The following ME2 variants were observed in gnomAD, a reference collection of about 807,000 sequenced individuals.
ME2 encodes the protein malic enzyme 2, also known as NAD-dependent malic enzyme, mitochondrial.
A neutral mutation model predicts 73.7 loss-of-function variants in ME2; 60 were observed. The observed-to-expected ratio is 0.81, with a 90% CI of 0.66 to 1.01. The LOEUF is 1.01. Ranked by LOEUF, ME2 falls within the 50% of genes least tolerant of loss-of-function variation. ME2 has a pLI of 0.00. For missense variants in ME2, 594 were observed against 705.5 expected (o/e 0.84, Z 1.79); for synonymous variants, 199 against 236.9 (o/e 0.84, Z 1.47).
At chr18:50,939,473 T>C (rs996027157) in intron 13 of ME2, 97 bp from the exon 14 acceptor site, 9 of 748,286 alleles carry the variant, frequency 1.2e-5, no homozygotes, top group African/African-American at 5.3e-5. Flanking sequence ...CTGTTTGCGA[T>C]GTGGATGGAT....
At position 50,940,226 on chromosome 18, in the gene ME2, T is replaced by C. The variant is rs895765620; in HGVS notation, c.1489-62T>C. 4.5e-6 allele frequency: 5 copies of C among 1,100,822 alleles called. No homozygotes were observed. The East Asian group carries it at 1.2e-4, about 26-fold the overall frequency. 68.2% of individuals were successfully genotyped at this position (1,100,822 alleles called of 1,614,324 possible). Reference sequence around the variant, plus strand: ...CTCTGTTTCCCCAATGCTTTTTCCATTTACTGGGTCCTTATTCTGTTATTT... The same window carrying C: ...CTCTGTTTCCCCAATGCTTTTTCCACTTACTGGGTCCTTATTCTGTTATTT... On this transcript the variant is annotated intron_variant, in intron 14 of 15. Transcript: ENST00000321341.
At chr18:50,884,979 C>T (rs1599081724) in intron 1 of ME2, among the ~76,000 whole-genome samples, 2 of 152,210 alleles carry the variant, frequency 1.3e-5, no homozygotes, top group South Asian at 2.1e-4. Context: ...CTCAGTCTCC[C>T]GAGTAGCTGG....
chr18:50,932,272 T>C lies in ME2; in HGVS notation c.1329T>C (p.Phe443=). The part of the protein sequence containing the change: ...AYTLTEGRCL[F]ASGSPFGPVK... ...TTTATTAACAGGGCAGGTGTTTGTT[T>C]GCCAGTGGCAGTCCATTTGGGCCAG... The change falls in exon 13 of 16, where the codon TTT becomes TTC. Residue 443 remains phenylalanine, a synonymous_variant. Coordinates refer to ENST00000321341, the MANE Select transcript of ME2 (RefSeq NM_002396.5). 6.2e-7 allele frequency: 1 copy of C among 1,612,546 alleles called. No individual in the cohort carries two copies. Among genetic ancestry groups the C allele is most frequent in the Non-Finnish European group, 8.5e-7 (1 of 1,178,918 alleles).
rs1455985725 is a variant in ME2, at chr18:50,949,703, A to G, written c.*2519A>G. 6.6e-6 allele frequency: 1 copy of G among 152,164 alleles called. No homozygotes were observed. Among genetic ancestry groups the G allele is most frequent in the East Asian group, 1.9e-4 (1 of 5,208 alleles). 9.4% of individuals were successfully genotyped at this position (152,164 alleles called of 1,614,324 possible). A position where few individuals can be genotyped will look rare whatever the true frequency, so the allele number is the denominator to read the frequency against. On this transcript the variant is annotated 3_prime_UTR_variant, in exon 16 of 16. Transcript: ENST00000321341. ...TTTGCTTATTAAGTATGCCTGGTAC[A>G]GTCTTCATGGAAGTTATTAAGTATT...
intron 2 of ME2, among the ~76,000 whole-genome samples, chr18:50,899,317 G>A (rs1267518575): frequency 6.6e-6 from 1 of 152,114 alleles, no homozygotes; most frequent in Non-Finnish European, 1.5e-5. Flanking sequence ...GACATGAAAA[G>A]AAAAATTGTC....
chr18:50,889,049 A>G (rs1225456586), intron 1 of ME2, among the ~76,000 whole-genome samples: 1 of 152,194 alleles, frequency 6.6e-6, no homozygotes, highest in African/African-American at 2.4e-5. Flanking sequence ...CTATTTTTAA[A>G]TGTACAGTAG....
At chr18:50,907,830 A>C (rs1917050759) in intron 2 of ME2, among the ~76,000 whole-genome samples, 1 of 152,212 alleles carries the variant, frequency 6.6e-6, no homozygotes, top group Admixed American at 6.5e-5. Context: ...GAATACTTTA[A>C]AACTGTCTTC....
At chr18:50,905,050 G>T (rs960482114) in intron 2 of ME2, among the ~76,000 whole-genome samples, 1 of 151,750 alleles carries the variant, frequency 6.6e-6, no homozygotes, top group Admixed American at 6.6e-5. Flanking sequence ...GCGGTGGCAC[G>T]ATCTTGGCTC....
chr18:50,913,997 G>A (rs577521033), intron 4 of ME2, among the ~76,000 whole-genome samples: 9 of 151,916 alleles, frequency 5.9e-5, no homozygotes, highest in East Asian at 1.9e-4. Context: ...ATTCTTCCAC[G>A]TGTAGAAATT....
At position 50,953,913 on chromosome 18, in the gene ME2, C is replaced by T. The variant is rs1169642647; in HGVS notation, c.*6729C>T. 1 of 152,154 alleles carries T rather than the reference C, an allele frequency of 6.6e-6. No homozygotes were observed. The highest frequency in any genetic ancestry group is 1.9e-4 in the East Asian group (1 of 5,200). 9.4% of individuals were successfully genotyped at this position (152,154 alleles called of 1,614,324 possible). On this transcript the variant is annotated 3_prime_UTR_variant, in exon 16 of 16. Coordinates refer to ENST00000321341, the MANE Select transcript of ME2 (RefSeq NM_002396.5). ...CCTTTAAATTTAACTGAAATTAAAACCGTACTTTTGCAGTTGATATTTTTG... is the reference window on the plus strand; with the variant it reads ...CCTTTAAATTTAACTGAAATTAAAATCGTACTTTTGCAGTTGATATTTTTG...
At chr18:50,906,463 C>T (rs1241432922) in intron 2 of ME2, among the ~76,000 whole-genome samples, 2 of 152,256 alleles carry the variant, frequency 1.3e-5, no homozygotes, top group East Asian at 3.9e-4. Flanking sequence ...CAGGCACATG[C>T]CACCACGCCC....
rs1312820938 is a variant in ME2 at position 50,948,277 on chromosome 18, G to A, written c.*1093G>A. On this transcript the variant is annotated 3_prime_UTR_variant, in exon 16 of 16. Transcript: ENST00000321341. ...TAAGGTTGGTGTTCATCTGGGAAAT[G>A]CCTTTTTTAATCCCAGTAAAATGGG... 2 of 152,148 alleles carry A rather than the reference G, an allele frequency of 1.3e-5. No individual in the cohort carries two copies. The highest frequency in any genetic ancestry group is 2.9e-5 in the Non-Finnish European group (2 of 68,024). The allele number at this position is 152,148 out of a possible 1,614,324, so 9.4% of individuals were successfully genotyped here.
At position 50,917,520 on chromosome 18, in the gene ME2, C is replaced by A. The variant is rs372141431; in HGVS notation, c.630+12C>A. The stretch of plus-strand genomic sequence containing the variant: ...GAACTGATAATATCGTGAGTAACAT[C>A]ATTTTCCCCCTTTATCTTCCTCCTG... On this transcript the variant is annotated intron_variant, in intron 6 of 15. Transcript: ENST00000321341. 2.0e-6 allele frequency: 3 copies of A among 1,537,348 alleles called. No homozygotes were observed. Among genetic ancestry groups the A allele is most frequent in the East Asian group, 2.3e-5 (1 of 43,962 alleles).
At chr18:50,935,657 T>C (rs1478526772) in intron 13 of ME2, 1 of 142,232 alleles carries the variant, frequency 7.0e-6, no homozygotes, top group Non-Finnish European at 1.5e-5. Flanking sequence ...GAGGCTGAGA[T>C]GGGAAGATCA....
At chr18:50,888,179 A>C (rs1916520988) in intron 1 of ME2, among the ~76,000 whole-genome samples, 1 of 151,740 alleles carries the variant, frequency 6.6e-6, no homozygotes, top group Non-Finnish European at 1.5e-5. Flanking sequence ...CTTTCTCTAC[A>C]AAAAAAACTA....
At chr18:50,931,400 A>T (rs1177839306) in intron 12 of ME2, among the ~76,000 whole-genome samples, 3 of 152,346 alleles carry the variant, frequency 2.0e-5, no homozygotes, top group Admixed American at 6.5e-5. Flanking sequence ...TACAGTTTTG[A>T]TGTGTGACTT....
chr18:50,939,592 C>T lies in ME2; in HGVS notation c.1440C>T (p.Leu480=). 1 of 1,612,198 alleles carries T rather than the reference C, an allele frequency of 6.2e-7. No individual in the cohort carries two copies. The highest frequency in any genetic ancestry group is 8.5e-7 in the Non-Finnish European group (1 of 1,178,466). The change falls in exon 14 of 16, where the codon CTC becomes CTT. Residue 480 remains leucine (L), a synonymous_variant. Transcript: ENST00000321341. ...TAGGTGTGGCTTTAGCTGTTATTCT[C>T]TGTAACACCCGGCATATTAGTGACA... ...IFPGVALAVI[L]CNTRHISDSV...
chr18:50,910,625 C>T (rs1917133021), intron 3 of ME2, among the ~76,000 whole-genome samples: 1 of 152,098 alleles, frequency 6.6e-6, no homozygotes, highest in Non-Finnish European at 1.5e-5. Flanking sequence ...CTGGCAAAGG[C>T]AGGTGTTACA....
intron 1 of ME2, among the ~76,000 whole-genome samples, chr18:50,886,312 C>T (rs1050061026): frequency 2.7e-5 from 4 of 149,566 alleles, no homozygotes; most frequent in Non-Finnish European, 4.4e-5. Context: ...GGCATGATCT[C>T]GGCTCACTGT....
Sources: gnomAD v4.1 joint callset for allele counts (sites outside exome capture counted in the v4.1 genomes callset) on GRCh38, gnomAD v4.1.1 for gene constraint, MANE v1.5 for transcripts, NCBI Gene and HGNC (gene_info 2026-07-23, HGNC 2026-07-21) for gene names.